B3GALT1: variants seen among roughly 807,000 people sequenced by gnomAD.
The protein encoded by B3GALT1 is beta-1,3-galactosyltransferase 1, also known as UDP-Gal:betaGlcNAc beta 1,3-galactosyltransferase, polypeptide 1.
Under a neutral mutation model 23.2 loss-of-function variants are expected in B3GALT1, and 10 were observed. That is an observed-to-expected ratio of 0.43 (90% CI 0.27 to 0.73). The LOEUF (loss-of-function observed/expected upper bound fraction) is 0.73, where lower values mean the gene tolerates loss of function less well. Ranked by LOEUF, B3GALT1 falls within the 30% of genes least tolerant of loss-of-function variation. The pLI is 0.21. For missense variants in B3GALT1, 299 were observed against 405.4 expected (o/e 0.74, Z 2.25); for synonymous variants, 156 against 141.5 (o/e 1.10, Z -0.73).
At chr2:167,628,897 G>T (rs533496763) in intron 2 of B3GALT1, among the ~76,000 whole-genome samples, 1 of 151,646 alleles carries the variant, frequency 6.6e-6, no homozygotes, top group Non-Finnish European at 1.5e-5. Context: ...AGATTTATTA[G>T]TGTGGGAAAT....
intron 1 of B3GALT1, among the ~76,000 whole-genome samples, chr2:167,472,023 G>C (rs528087922): frequency 2.2e-4 from 34 of 152,238 alleles, no homozygotes; most frequent in African/African-American, 8.2e-4. Flanking sequence ...CCTTTCTGTG[G>C]CTGGTTCCTC....
intron 2 of B3GALT1, among the ~76,000 whole-genome samples, chr2:167,525,668 T>C (rs1421399511): frequency 6.6e-6 from 1 of 151,982 alleles, no homozygotes; most frequent in Non-Finnish European, 1.5e-5. Context: ...GGGTCTCACT[T>C]TGTCACCCAG....
At chr2:167,842,008 A>G (rs1689661724) in intron 4 of B3GALT1, among the ~76,000 whole-genome samples, 1 of 152,270 alleles carries the variant, frequency 6.6e-6, no homozygotes, top group Admixed American at 6.5e-5. Context: ...GCGGTTTAGC[A>G]TAAATATTAA....
chr2:167,552,292 G>T (rs1683762961), intron 2 of B3GALT1, among the ~76,000 whole-genome samples: 1 of 152,126 alleles, frequency 6.6e-6, no homozygotes, highest in African/African-American at 2.4e-5. Flanking sequence ...GACACTTCCA[G>T]ATTCTAGGGT....
chr2:167,632,044 G>A (rs948005687), intron 2 of B3GALT1, among the ~76,000 whole-genome samples: 1 of 151,782 alleles, frequency 6.6e-6, no homozygotes. Context: ...AACATGTGGT[G>A]TTCGGTTTTC....
intron 2 of B3GALT1, among the ~76,000 whole-genome samples, chr2:167,495,533 A>T (rs1045210103): frequency 1.3e-5 from 2 of 152,030 alleles, no homozygotes; most frequent in African/African-American, 4.8e-5. Context: ...GGGTTTCTCC[A>T]TGTTGGTCAG....
chr2:167,421,994 A>G (rs1211382188), intron 1 of B3GALT1, among the ~76,000 whole-genome samples: 1 of 149,502 alleles, frequency 6.7e-6, no homozygotes, highest in Non-Finnish European at 1.5e-5. Context: ...TCTAACTCCC[A>G]GTGTGATGGT....
intron 3 of B3GALT1, among the ~76,000 whole-genome samples, chr2:167,726,735 T>C (rs1687322866): frequency 6.6e-6 from 1 of 152,258 alleles, no homozygotes; most frequent in African/African-American, 2.4e-5. Flanking sequence ...AACTGGTATG[T>C]AGCAGAGGCA....
At chr2:167,721,485 A>T (rs1002497102) in intron 3 of B3GALT1, among the ~76,000 whole-genome samples, 1 of 152,154 alleles carries the variant, frequency 6.6e-6, no homozygotes, top group Non-Finnish European at 1.5e-5. Flanking sequence ...AAAATGCCAG[A>T]TGTATCTTAA....
intron 2 of B3GALT1, among the ~76,000 whole-genome samples, chr2:167,616,694 CAATA>C (rs547824482): frequency 1.2e-3 from 189 of 151,576 alleles, no homozygotes; most frequent in Middle Eastern, 6.8e-3. Flanking sequence ...GACCCTGTCT[CAATA>C]AATAAATAAA....
rs189363153 is a variant in B3GALT1 at position 167,696,669 on chromosome 2, G to A, written c.-352+49703G>A. 2.5e-3 allele frequency among the ~76,000 whole-genome samples: 385 copies of A among 152,158 alleles called. 1 individual carries two copies. Among genetic ancestry groups the A allele is most frequent in the African/African-American group, 8.7e-3 (362 of 41,492 alleles). On this transcript the variant is annotated intron_variant, in intron 3 of 4. Transcript: ENST00000392690. ...TAAAATATTTGGTCAAATTATATCCGAACAGAAGTTAATGTAGGACAACCT... is the reference window on the plus strand; with the variant it reads ...TAAAATATTTGGTCAAATTATATCCAAACAGAAGTTAATGTAGGACAACCT...
chr2:167,705,213 G>T (rs1042380683), intron 3 of B3GALT1, among the ~76,000 whole-genome samples: 1 of 152,140 alleles, frequency 6.6e-6, no homozygotes, highest in Non-Finnish European at 1.5e-5. Flanking sequence ...ATACTTGTTT[G>T]AGTTGTGAGC....
chr2:167,765,680 A>C (rs1687966441), intron 3 of B3GALT1, among the ~76,000 whole-genome samples: 1 of 152,242 alleles, frequency 6.6e-6, no homozygotes, highest in African/African-American at 2.4e-5. Flanking sequence ...TCATGACAAA[A>C]GGATACCAAA....
chr2:167,570,571 GAT>G (rs1235954676), intron 2 of B3GALT1, among the ~76,000 whole-genome samples: 2 of 151,892 alleles, frequency 1.3e-5, no homozygotes, highest in Non-Finnish European at 2.9e-5. Context: ...TGTAGTGGAT[GAT>G]ATATTAGCTA....
chr2:167,502,559 A>C (rs1480760999), intron 2 of B3GALT1, among the ~76,000 whole-genome samples: 1 of 125,912 alleles, frequency 7.9e-6, no homozygotes, highest in Non-Finnish European at 1.7e-5. Flanking sequence ...GAGGAAAGTG[A>C]AGAGGTAGGA....
At chr2:167,414,732 A>G (rs1201005533) in intron 1 of B3GALT1, among the ~76,000 whole-genome samples, 3 of 152,198 alleles carry the variant, frequency 2.0e-5, no homozygotes, top group East Asian at 1.9e-4. Context: ...GAAACCTTCA[A>G]TCAACAACTC....
intron 1 of B3GALT1, among the ~76,000 whole-genome samples, chr2:167,404,805 G>A (rs750025160): frequency 5.3e-5 from 8 of 152,090 alleles, no homozygotes; most frequent in Non-Finnish European, 1.2e-4. Context: ...AATGCCTCCT[G>A]GCACTCTGTG....
chr2:167,414,485 A>G (rs988529956), intron 1 of B3GALT1, among the ~76,000 whole-genome samples: 2 of 152,176 alleles, frequency 1.3e-5, no homozygotes, highest in East Asian at 1.9e-4. Context: ...AAAGTACCAC[A>G]TAATTAACCA....
intron 2 of B3GALT1, among the ~76,000 whole-genome samples, chr2:167,636,252 A>G (rs2105451454): frequency 6.6e-6 from 1 of 152,060 alleles, no homozygotes; most frequent in African/African-American, 2.4e-5. Flanking sequence ...GGGCAGGAGC[A>G]GAGCACCTCT....
Sources: allele counts gnomAD v4.1 joint callset (sites outside exome capture counted in the v4.1 genomes callset), GRCh38; gene constraint gnomAD v4.1.1; transcripts MANE v1.5; gene names NCBI Gene and HGNC (gene_info 2026-07-23, HGNC 2026-07-21).